Variants in NRG4 observed in about 807,000 individuals in gnomAD.
The protein encoded by NRG4 is neuregulin 4, also known as pro-neuregulin-4, membrane-bound isoform.
A neutral mutation model predicts 15.0 loss-of-function variants in NRG4; 10 were observed. The observed-to-expected ratio is 0.67, with a 90% CI of 0.41 to 1.13. NRG4 has a LOEUF of 1.13. NRG4 is among the 50% of genes most tolerant of loss of function. NRG4 has a pLI of 0.00. For missense variants in NRG4, 139 were observed against 140.2 expected (o/e 0.99, Z 0.04); for synonymous variants, 41 against 50.1 (o/e 0.82, Z 0.77).
intron 3 of NRG4, among the ~76,000 whole-genome samples, chr15:75,967,312 A>C (rs955508990): frequency 6.6e-6 from 1 of 152,036 alleles, no homozygotes; most frequent in East Asian, 1.9e-4. Flanking sequence ...TAATATGTAG[A>C]GATATTTAGC....
downstream of NRG4, chr15:75,935,848 C>G (rs2030287227): frequency 1.3e-5 from 2 of 151,996 alleles, no homozygotes; most frequent in African/African-American, 2.4e-5. Flanking sequence ...ATTGCAATGG[C>G]ACAATCTTGG....
rs1299324045 is a variant in NRG4 at position 75,943,015 on chromosome 15, C to G, written c.*623G>C. 1 of 152,178 alleles carries G rather than the reference C, an allele frequency of 6.6e-6. No homozygotes were observed. The highest frequency in any genetic ancestry group is 1.5e-5 in the Non-Finnish European group (1 of 68,042). The allele number at this position is 152,178 out of a possible 1,614,324, so 9.4% of individuals were successfully genotyped here. On this transcript the variant is annotated 3_prime_UTR_variant, in exon 6 of 6. Transcript: ENST00000394907. Reference sequence around the variant, plus strand: ...ATCCTAAATTTCCAGTTACTTGCACCTAGAATTAGTCAATCTTTTGCAGTC... The same window carrying G: ...ATCCTAAATTTCCAGTTACTTGCACGTAGAATTAGTCAATCTTTTGCAGTC...
chr15:76,039,082 T>G (rs1488823889), intron 4 of NRG4, among the ~76,000 whole-genome samples: 2 of 152,186 alleles, frequency 1.3e-5, no homozygotes, highest in Non-Finnish European at 2.9e-5. Flanking sequence ...AGACATGGCT[T>G]AGATCTTAGA....
intron 3 of NRG4, among the ~76,000 whole-genome samples, chr15:75,984,075 T>C (rs756531829): frequency 6.6e-6 from 1 of 152,072 alleles, no homozygotes; most frequent in Non-Finnish European, 1.5e-5. Context: ...GCACAGAGGA[T>C]TTTTAGGATA....
chr15:76,017,281 G>C (rs1347862274), upstream of NRG4, among the ~76,000 whole-genome samples: 1 of 148,170 alleles, frequency 6.7e-6, no homozygotes, highest in South Asian at 2.2e-4. Flanking sequence ...AATGGGTCTT[G>C]AATCTTTATC....
chr15:76,032,099 T>C (rs1388260967), intron 5 of NRG4, among the ~76,000 whole-genome samples: 1 of 152,080 alleles, frequency 6.6e-6, no homozygotes, highest in Non-Finnish European at 1.5e-5. Flanking sequence ...GTAATTTAAA[T>C]CAAGAAAAAG....
chr15:75,958,820 C>G (rs1238437740), intron 4 of NRG4, among the ~76,000 whole-genome samples: 1 of 152,140 alleles, frequency 6.6e-6, no homozygotes. Flanking sequence ...GTCTGCAGAA[C>G]AGCTATAGCT....
chr15:75,951,636 T>C (rs1225433610), intron 5 of NRG4, among the ~76,000 whole-genome samples: 1 of 152,222 alleles, frequency 6.6e-6, no homozygotes, highest in African/African-American at 2.4e-5. Flanking sequence ...GTTTCTAGCA[T>C]ACACTTTTGA....
At chr15:76,000,595 G>A (rs2043825372) in intron 3 of NRG4, among the ~76,000 whole-genome samples, 1 of 152,180 alleles carries the variant, frequency 6.6e-6, no homozygotes, top group African/African-American at 2.4e-5. Context: ...TCTATGGATA[G>A]CAATTTGGCA....
intron 3 of NRG4, among the ~76,000 whole-genome samples, chr15:75,986,146 A>G (rs973837628): frequency 3.3e-5 from 5 of 152,056 alleles, no homozygotes; most frequent in African/African-American, 1.2e-4. Flanking sequence ...CTTGGTAAAA[A>G]CCCCAAATCA....
At chr15:75,999,715 T>A (rs2034339084) in intron 3 of NRG4, among the ~76,000 whole-genome samples, 1 of 152,214 alleles carries the variant, frequency 6.6e-6, no homozygotes, top group Non-Finnish European at 1.5e-5. Flanking sequence ...AAGATAAATC[T>A]GGATCTATAT....
At chr15:76,016,455 C>G (rs1365401752), upstream of NRG4, among the ~76,000 whole-genome samples, 1 of 152,176 alleles carries the variant, frequency 6.6e-6, no homozygotes, top group Non-Finnish European at 1.5e-5. Context: ...ATCTTTCCTG[C>G]TTTCTCTTGA....
Position 76,045,103 on chromosome 15 carries a change from C to A in NRG4, c.-105+6964G>T, listed in dbSNP as rs1188212424. On this transcript the variant is annotated intron_variant, in intron 4 of 8. Transcript: ENST00000563910. Reference sequence around the variant, plus strand: ...TCAAACAACTCTATAGGAAAAAAACCTGATAATCTGGTATTAAAATGGACA... The same window carrying A: ...TCAAACAACTCTATAGGAAAAAAACATGATAATCTGGTATTAAAATGGACA... Among the ~76,000 whole-genome samples the A allele has an allele frequency of 2.0e-5, 3 of 150,726 alleles. 1 individual carries two copies. The highest frequency in any genetic ancestry group is 4.4e-5 in the Non-Finnish European group (3 of 67,866).
At chr15:75,953,537 T>C (rs967149417) in intron 5 of NRG4, among the ~76,000 whole-genome samples, 1 of 152,234 alleles carries the variant, frequency 6.6e-6, no homozygotes. Flanking sequence ...GATGTAGAAT[T>C]ATAGGTTTAC....
chr15:76,030,034 G>A (rs1338388036), intron 5 of NRG4, among the ~76,000 whole-genome samples: 3 of 152,134 alleles, frequency 2.0e-5, no homozygotes, highest in Admixed American at 1.3e-4. Flanking sequence ...CAAGGCGGGT[G>A]GATCACAAGG....
chr15:76,035,969 G>A (rs991649928), exon 5 of NRG4: 4 of 152,010 alleles, frequency 2.6e-5, no homozygotes, highest in Non-Finnish European at 5.9e-5. Context: ...TTATAATTTG[G>A]GTTTCCCATC....
intron 5 of NRG4, among the ~76,000 whole-genome samples, chr15:76,023,181 C>A (rs949537175): frequency 9.5e-6 from 1 of 105,306 alleles, no homozygotes; most frequent in Non-Finnish European, 2.2e-5. Flanking sequence ...CACACACACA[C>A]ACAAGCAAGG....
At chr15:75,969,143 G>A (rs2141829142) in intron 3 of NRG4, 4 of 455,562 alleles carry the variant, frequency 8.8e-6, no homozygotes, top group South Asian at 6.2e-5. Context: ...CCAGGCTTCA[G>A]GTCTCAACAA....
chr15:76,040,952 C>G (rs2035721793), intron 4 of NRG4, among the ~76,000 whole-genome samples: 1 of 152,102 alleles, frequency 6.6e-6, no homozygotes, highest in Non-Finnish European at 1.5e-5. Context: ...ATAACTACAA[C>G]AACTTTTCAA....
Sources: gnomAD v4.1 joint callset for allele counts (sites outside exome capture counted in the v4.1 genomes callset) on GRCh38, gnomAD v4.1.1 for gene constraint, MANE v1.5 for transcripts, NCBI Gene and HGNC (gene_info 2026-07-23, HGNC 2026-07-21) for gene names.